Variants in GALNT13 observed in about 807,000 individuals in gnomAD.
GALNT13 encodes polypeptide N-acetylgalactosaminyltransferase 13, also known as UDP-GalNAc:polypeptide N-acetylgalactosaminyltransferase 13.
In GALNT13, 28 loss-of-function variants were observed where a neutral mutation model predicts 64.2. That is an observed-to-expected ratio of 0.44 (90% CI 0.32 to 0.60). The LOEUF (loss-of-function observed/expected upper bound fraction) is 0.60. GALNT13 is among the 20% of genes least tolerant of loss of function. The pLI is 0.05. For missense variants in GALNT13, 577 were observed against 669.8 expected (o/e 0.86, Z 1.53); for synonymous variants, 214 against 224.6 (o/e 0.95, Z 0.42).
the GALNT13 span, among the ~76,000 whole-genome samples, chr2:153,702,986 A>G: frequency 1.3e-5 from 2 of 152,246 alleles, no homozygotes; most frequent in African/African-American, 4.8e-5. Context: ...TGGGAAACAG[A>G]TGCCATTGAA....
chr2:154,409,222 G>T, intron 11 of GALNT13, 140 bp downstream of exon 11: 1 of 689,178 alleles, frequency 1.5e-6, no homozygotes, highest in South Asian at 1.6e-5. Flanking sequence ...GAACTAATTT[G>T]GCTATTTTAT....
At chr2:154,370,767 A>C (rs1366126381) in intron 9 of GALNT13, among the ~76,000 whole-genome samples, 1 of 152,150 alleles carries the variant, frequency 6.6e-6, no homozygotes, top group Non-Finnish European at 1.5e-5. Context: ...TGTTAACTTA[A>C]GAGTTATAGA....
intron 2 of GALNT13, among the ~76,000 whole-genome samples, chr2:153,941,641 A>G (rs1278127983): frequency 6.6e-6 from 1 of 152,190 alleles, no homozygotes; most frequent in Non-Finnish European, 1.5e-5. Context: ...TTCTGTGTTT[A>G]AAGTACCATT....
At chr2:153,489,684 A>G in the GALNT13 span, among the ~76,000 whole-genome samples, 3 of 152,318 alleles carry the variant, frequency 2.0e-5, no homozygotes, top group African/African-American at 4.8e-5. Context: ...GCAACCCACC[A>G]TTTTGGAGAA....
the GALNT13 span, among the ~76,000 whole-genome samples, chr2:153,262,557 C>A: frequency 6.6e-6 from 1 of 152,286 alleles, no homozygotes; most frequent in East Asian, 1.9e-4. Context: ...CAATAAAATA[C>A]TGGCAAACTG....
chr2:154,416,435 G>T (rs1172462115), intron 11 of GALNT13, among the ~76,000 whole-genome samples: 1 of 151,528 alleles, frequency 6.6e-6, no homozygotes, highest in Non-Finnish European at 1.5e-5. Context: ...CCTTCTAAGG[G>T]CCCAGACTTC....
At chr2:153,602,772 T>G in the GALNT13 span, among the ~76,000 whole-genome samples, 81 of 151,868 alleles carry the variant, frequency 5.3e-4, no homozygotes, top group East Asian at 0.014. Flanking sequence ...ATGATCTGCT[T>G]AGGTTTTAAT....
the GALNT13 span, among the ~76,000 whole-genome samples, chr2:153,250,235 A>G: frequency 6.6e-6 from 1 of 152,248 alleles, no homozygotes; most frequent in Non-Finnish European, 1.5e-5. Flanking sequence ...ATATGAACAG[A>G]CACTTCCGAA....
At chr2:153,648,698 G>C in the GALNT13 span, among the ~76,000 whole-genome samples, 1 of 152,074 alleles carries the variant, frequency 6.6e-6, no homozygotes, top group Admixed American at 6.6e-5. Context: ...TTTGTTGAAG[G>C]CCTTTTCTGC....
chr2:153,107,566 T>C, the GALNT13 span, among the ~76,000 whole-genome samples: 1 of 152,090 alleles, frequency 6.6e-6, no homozygotes, highest in African/African-American at 2.4e-5. Context: ...GGAAAATACA[T>C]CTGAACCAAA....
intron 2 of GALNT13, among the ~76,000 whole-genome samples, chr2:153,937,218 G>A (rs769979261): frequency 1.3e-4 from 20 of 152,084 alleles, no homozygotes; most frequent in Non-Finnish European, 4.4e-5. Context: ...ATAGTCAAAA[G>A]GTAGAAACAA....
chr2:153,135,910 CA>C, the GALNT13 span, among the ~76,000 whole-genome samples: 1 of 151,768 alleles, frequency 6.6e-6, no homozygotes, highest in Non-Finnish European at 1.5e-5. Context: ...ATAACCCTCA[CA>C]AAAAAATAAC....
intron 3 of GALNT13, among the ~76,000 whole-genome samples, chr2:153,992,968 A>G (rs10190342): frequency 0.65 from 99,115 of 151,964 alleles, 33,050 homozygotes; most frequent in East Asian, 0.94. Context: ...AAATCCTACA[A>G]ATATTTACTT....
At chr2:153,756,909 A>G in the GALNT13 span, among the ~76,000 whole-genome samples, 2 of 152,060 alleles carry the variant, frequency 1.3e-5, no homozygotes, top group Admixed American at 1.3e-4. Flanking sequence ...TCACCTAACC[A>G]GTATACATTT....
intron 6 of GALNT13, among the ~76,000 whole-genome samples, chr2:154,243,858 T>C (rs888129744): frequency 6.6e-6 from 1 of 152,168 alleles, no homozygotes; most frequent in African/African-American, 2.4e-5. Context: ...TCTGAGCTAG[T>C]CCAGCCACAT....
chr2:154,141,712 CA>C (rs1435630686), intron 4 of GALNT13, among the ~76,000 whole-genome samples: 1 of 152,134 alleles, frequency 6.6e-6, no homozygotes, highest in African/African-American at 2.4e-5. Context: ...TTTTCCAGCA[CA>C]AAAATAGCTC....
intron 10 of GALNT13, among the ~76,000 whole-genome samples, chr2:154,396,905 ATAATG>A (rs929588859): frequency 4.3e-4 from 65 of 150,764 alleles, no homozygotes; most frequent in African/African-American, 1.4e-3. Flanking sequence ...CAAACTGTAT[ATAATG>A]TATGTATAAT....
At chr2:154,441,422 G>GA (rs1227419815) in intron 12 of GALNT13, among the ~76,000 whole-genome samples, 3 of 152,030 alleles carry the variant, frequency 2.0e-5, no homozygotes, top group Non-Finnish European at 2.9e-5. Flanking sequence ...ATTATTCTTT[G>GA]AAAAATCTCT....
chr2:153,126,316 A>G, the GALNT13 span, among the ~76,000 whole-genome samples: 10,011 of 105,740 alleles, frequency 0.095, 662 homozygotes, highest in South Asian at 0.17. Flanking sequence ...ATATATATAT[A>G]TATATATATA....
Sources: allele counts gnomAD v4.1 joint callset (sites outside exome capture counted in the v4.1 genomes callset), GRCh38; gene constraint gnomAD v4.1.1; transcripts MANE v1.5; gene names NCBI Gene and HGNC (gene_info 2026-07-23, HGNC 2026-07-21).